The following SLC47A2 variants were observed in gnomAD, a reference collection of about 807,000 sequenced individuals.
SLC47A2 encodes multidrug and toxin extrusion protein 2.
Under a neutral mutation model 67.7 loss-of-function variants are expected in SLC47A2, and 52 were observed. That is an observed-to-expected ratio of 0.77 (90% CI 0.61 to 0.97). The LOEUF is 0.97. Ranked by LOEUF, SLC47A2 falls within the 50% of genes least tolerant of loss-of-function variation. The pLI, the probability that SLC47A2 is intolerant of heterozygous loss-of-function variation, is 0.00. For missense variants in SLC47A2, 676 were observed against 712.3 expected (o/e 0.95, Z 0.58); for synonymous variants, 278 against 292.9 (o/e 0.95, Z 0.52).
At chr17:19,692,690 C>T (rs2085568581) in intron 13 of SLC47A2, among the ~76,000 whole-genome samples, 1 of 152,096 alleles carries the variant, frequency 6.6e-6, no homozygotes, top group Non-Finnish European at 1.5e-5. Flanking sequence ...TTCTGTAAAG[C>T]CAATGTTACC....
At chr17:19,712,797 C>T (rs1597642218) in intron 4 of SLC47A2, 52 bp from the exon 5 acceptor site, 1 of 1,571,984 alleles carries the variant, frequency 6.4e-7, no homozygotes, top group East Asian at 2.3e-5. Flanking sequence ...CCCGGGGAGG[C>T]AGGGCCCTCT....
chr17:19,681,111 G>C (rs1253374212), intron 15 of SLC47A2, among the ~76,000 whole-genome samples: 1 of 152,186 alleles, frequency 6.6e-6, no homozygotes, highest in African/African-American at 2.4e-5. Flanking sequence ...TACTGGGGAG[G>C]CTGAGGCAGG....
intron 8 of SLC47A2, among the ~76,000 whole-genome samples, 193 bp downstream of exon 8, chr17:19,707,553 G>A (rs112901476): frequency 5.9e-5 from 9 of 152,286 alleles, no homozygotes; most frequent in African/African-American, 1.4e-4. Context: ...GCTCTGCATC[G>A]TGACACCTTG....
chr17:19,716,541 C>T lies in SLC47A2; in HGVS notation c.15G>A (p.Gln5=). MDSL[Q]DTVALDHGGC... ...CCCCATGGTCCAGGGCCACTGTGTC[C>T]TGGAGGCTGTCCATTCCTGGCCGGG... The change falls in exon 1 of 17, where the codon CAG becomes CAA. Residue 5 remains glutamine (Q), a synonymous_variant. Transcript: ENST00000433844. 1 of 1,607,884 alleles carries T rather than the reference C, an allele frequency of 6.2e-7. No individual in the cohort carries two copies. The highest frequency in any genetic ancestry group is 8.5e-7 in the Non-Finnish European group (1 of 1,177,604).
In SLC47A2 at chr17:19,678,909, G is replaced by A. The variant is rs2085249939; in HGVS notation, c.1481-3C>T. 1 of 1,563,048 alleles carries A rather than the reference G, an allele frequency of 6.4e-7. No individual in the cohort carries two copies. Among genetic ancestry groups the A allele is most frequent in the South Asian group, 1.2e-5 (1 of 85,912 alleles). ...GCCAGGGGAACTGCCTGTAGCCACT[G>A]CGGAAGCAAACAGGAGCAAACTCAG... On this transcript the variant is annotated splice_region_variant and splice_polypyrimidine_tract_variant and intron_variant, in intron 16 of 16. Coordinates refer to ENST00000433844, the MANE Select transcript of SLC47A2 (RefSeq NM_001099646.3).
At chr17:19,699,524 G>A (rs1196567935) in intron 13 of SLC47A2, among the ~76,000 whole-genome samples, 1 of 151,856 alleles carries the variant, frequency 6.6e-6, no homozygotes, top group East Asian at 1.9e-4. Context: ...AAGACTATAG[G>A]TGTGTGCCAA....
At chr17:19,686,549 A>G (rs1354270221) in intron 13 of SLC47A2, among the ~76,000 whole-genome samples, 2 of 152,240 alleles carry the variant, frequency 1.3e-5, no homozygotes, top group African/African-American at 2.4e-5. Context: ...TCTGTTGCCT[A>G]CAAGATGCAC....
At position 19,703,259 on chromosome 17, in the gene SLC47A2, A is replaced by G. The variant is rs1597620514; in HGVS notation, c.1019-92T>C. 5.9e-6 allele frequency: 7 copies of G among 1,188,306 alleles called. No individual in the cohort carries two copies. In the East Asian group the frequency reaches 1.7e-4, roughly 29 times the overall value. 73.6% of individuals were successfully genotyped at this position (1,188,306 alleles called of 1,614,324 possible). The stretch of plus-strand genomic sequence containing the variant: ...AAAGGGCTGGCCCCTATGTCAGTGC[A>G]AGTCAGCCCAGCCCTCTGCAACCAG... On this transcript the variant is annotated intron_variant, in intron 11 of 16. Transcript: ENST00000433844.
chr17:19,710,407 A>G (rs1417609475), intron 5 of SLC47A2, among the ~76,000 whole-genome samples: 1 of 152,166 alleles, frequency 6.6e-6, no homozygotes, highest in Non-Finnish European at 1.5e-5. Flanking sequence ...AAACCCTGGA[A>G]GGGTCCAAAA....
chr17:19,705,187 A>T, intron 10 of SLC47A2: 3 of 486,470 alleles, frequency 6.2e-6, no homozygotes, highest in Non-Finnish European at 1.1e-5. Context: ...CAATTTTAAA[A>T]TGATACTAAT....
chr17:19,705,322 G>T, intron 10 of SLC47A2, 114 bp downstream of exon 10: 1 of 1,170,570 alleles, frequency 8.5e-7, no homozygotes, highest in South Asian at 1.4e-5. Flanking sequence ...GAGAGGCCCG[G>T]GGAGGGTCCT....
At position 19,678,909 on chromosome 17, in the gene SLC47A2, G is replaced by T; in HGVS notation, c.1481-3C>A. 1 of 1,563,166 alleles carries T rather than the reference G, an allele frequency of 6.4e-7. No individual in the cohort carries two copies. The highest frequency in any genetic ancestry group is 1.2e-5 in the South Asian group (1 of 85,908). On this transcript the variant is annotated splice_region_variant and splice_polypyrimidine_tract_variant and intron_variant, in intron 16 of 16. Transcript: ENST00000433844. Reference sequence around the variant, plus strand: ...GCCAGGGGAACTGCCTGTAGCCACTGCGGAAGCAAACAGGAGCAAACTCAG... The same window carrying T: ...GCCAGGGGAACTGCCTGTAGCCACTTCGGAAGCAAACAGGAGCAAACTCAG...
At chr17:19,710,021 G>C (rs1281040716) in intron 5 of SLC47A2, among the ~76,000 whole-genome samples, 1 of 152,188 alleles carries the variant, frequency 6.6e-6, no homozygotes, top group Non-Finnish European at 1.5e-5. Context: ...AGGTGGGTGT[G>C]GCTGGGTCTG....
At position 19,704,095 on chromosome 17, in the gene SLC47A2, C is replaced by T. The variant is rs1228411630; in HGVS notation, c.993G>A (p.Ser331=). The T allele has an allele frequency of 4.3e-6, 7 of 1,610,634 alleles. No individual in the cohort carries two copies. Among genetic ancestry groups the T allele is most frequent in the East Asian group, 2.2e-5 (1 of 44,742 alleles). The part of the protein sequence containing the change: ...GAADTVQAKR[S]AVSGVLSIVG... ...CTATGCTGAGCACGCCCGAGACGGC[C>T]GAGCGCTTGGCCTGCACAGTATCCG... is the stretch of plus-strand genomic sequence containing the variant. The change falls in exon 11 of 17, where the codon TCG becomes TCA. Residue 331 remains serine (S), a synonymous_variant. Transcript: ENST00000433844.
chr17:19,698,208 C>T (rs1363090937), intron 13 of SLC47A2, among the ~76,000 whole-genome samples: 1 of 152,176 alleles, frequency 6.6e-6, no homozygotes, highest in Non-Finnish European at 1.5e-5. Context: ...TACTATAAAG[C>T]TGCAGTGATC....
At chr17:19,692,483 ACTT>A in intron 13 of SLC47A2, among the ~76,000 whole-genome samples, 1 of 152,328 alleles carries the variant, frequency 6.6e-6, no homozygotes, top group Middle Eastern at 3.4e-3. Context: ...ACTGAAACTA[ACTT>A]AACAAGAAAT....
In SLC47A2 at chr17:19,713,914, G is replaced by C. The variant is rs748625902; in HGVS notation, c.354C>G (p.Val118=). ...AGCAAGGGAGGCAGCAGAGGAGCAG[G>C]ACCAGCGCGCCCCGCTGCAGGATCA... ...VGVILQRGAL[V]LLLCCLPCWA... The change falls in exon 4 of 17, where the codon GTC becomes GTG. Residue 118 remains valine, a synonymous_variant. Transcript: ENST00000433844. The C allele has an allele frequency of 3.1e-6, 5 of 1,613,828 alleles. No individual in the cohort carries two copies. The South Asian group carries it at 4.4e-5, about 14-fold the overall frequency.
At chr17:19,695,598 G>A (rs1292142824) in intron 13 of SLC47A2, among the ~76,000 whole-genome samples, 4 of 148,446 alleles carry the variant, frequency 2.7e-5, no homozygotes, top group African/African-American at 1.0e-4. Flanking sequence ...AAAAAGATAA[G>A]CCACAGCCTG....
At position 19,678,442 on chromosome 17, in the gene SLC47A2, T is replaced by C. The variant is rs2085235745; in HGVS notation, c.*244A>G. The C allele has an allele frequency of 1.9e-6, 1 of 536,882 alleles. No homozygotes were observed. Among genetic ancestry groups the C allele is most frequent in the East Asian group, 3.0e-5 (1 of 33,640 alleles). 33.3% of individuals were successfully genotyped at this position (536,882 alleles called of 1,614,324 possible). ...CTGGACTCTGACTCGTGCAGTTGGC[T>C]GATGTCTTCTGTAGAGCAGTCCAAG... On this transcript the variant is annotated 3_prime_UTR_variant, in exon 17 of 17. Transcript: ENST00000433844.
Sources: gnomAD v4.1 joint callset for allele counts (sites outside exome capture counted in the v4.1 genomes callset) on GRCh38, gnomAD v4.1.1 for gene constraint, MANE v1.5 for transcripts, NCBI Gene and HGNC (gene_info 2026-07-23, HGNC 2026-07-21) for gene names.